The following ITPRID1 variants were observed in gnomAD, a reference collection of about 807,000 sequenced individuals.
ITPRID1 encodes the protein ITPR interacting domain containing 1.
ITPRID1 carries 96 observed loss-of-function variants against 95.4 expected under a neutral mutation model. The observed-to-expected ratio is 1.01, with a 90% CI of 0.85 to 1.19. The LOEUF (loss-of-function observed/expected upper bound fraction) is 1.19. Ranked by LOEUF, ITPRID1 falls within the 50% of genes most tolerant of loss-of-function variation. The pLI is 0.00. For missense variants in ITPRID1, 1,339 were observed against 1,252.9 expected (o/e 1.07, Z -1.04); for synonymous variants, 510 against 453.6 (o/e 1.12, Z -1.58).
chr7:31,564,270 C>A (rs1165616594), intron 5 of ITPRID1, among the ~76,000 whole-genome samples: 1 of 152,028 alleles, frequency 6.6e-6, no homozygotes, highest in Non-Finnish European at 1.5e-5. Flanking sequence ...GCTGGAGACT[C>A]AAGTATCTAA....
downstream of ITPRID1, among the ~76,000 whole-genome samples, chr7:31,657,959 C>A (rs375718761): frequency 6.6e-6 from 1 of 152,280 alleles, no homozygotes; most frequent in East Asian, 1.9e-4. Flanking sequence ...CAGGATCCTA[C>A]CCTGTATTAA....
chr7:31,558,178 C>G (rs1321600977), intron 5 of ITPRID1, among the ~76,000 whole-genome samples: 1 of 152,182 alleles, frequency 6.6e-6, no homozygotes, highest in African/African-American at 2.4e-5. Flanking sequence ...TGGAATGACA[C>G]AGCAAGAAGG....
intron 5 of ITPRID1, among the ~76,000 whole-genome samples, chr7:31,566,111 G>A (rs887322417): frequency 6.6e-6 from 1 of 152,186 alleles, no homozygotes; most frequent in Non-Finnish European, 1.5e-5. Flanking sequence ...GTATCCTCTA[G>A]ATCTGGTGGG....
chr7:31,527,860 T>C (rs2128129142), intron 1 of ITPRID1, among the ~76,000 whole-genome samples: 1 of 152,314 alleles, frequency 6.6e-6, no homozygotes, highest in South Asian at 2.1e-4. Flanking sequence ...TATCTCTTTA[T>C]CACTAAGGAT....
chr7:31,627,839 A>C (rs1788615245), intron 10 of ITPRID1, among the ~76,000 whole-genome samples: 1 of 152,162 alleles, frequency 6.6e-6, no homozygotes, highest in Middle Eastern at 3.2e-3. Flanking sequence ...TGGAATTAAA[A>C]TGAAAAGATA....
At chr7:31,525,301 AG>A (rs1310978321) in intron 1 of ITPRID1, among the ~76,000 whole-genome samples, 4 of 152,200 alleles carry the variant, frequency 2.6e-5, no homozygotes, top group African/African-American at 4.8e-5. Flanking sequence ...TGTCAAATAC[AG>A]GGTGTCTCAA....
intron 10 of ITPRID1, among the ~76,000 whole-genome samples, chr7:31,625,771 TTA>T (rs1491376548): frequency 6.6e-6 from 1 of 151,544 alleles, no homozygotes; most frequent in Non-Finnish European, 1.5e-5. Context: ...TAAAGTATAA[TTA>T]AAAAAAAAAC....
At chr7:31,585,729 A>G (rs1785568373) in intron 10 of ITPRID1, among the ~76,000 whole-genome samples, 1 of 152,228 alleles carries the variant, frequency 6.6e-6, no homozygotes, top group Non-Finnish European at 1.5e-5. Context: ...ACCTTATAAA[A>G]TCATCAAACC....
At position 31,652,844 on chromosome 7, in the gene ITPRID1, G is replaced by A. The variant is rs755749350; in HGVS notation, c.*15G>A. On this transcript the variant is annotated 3_prime_UTR_variant, in exon 15 of 15. Coordinates refer to ENST00000615280, the MANE Select transcript of ITPRID1 (RefSeq NM_001257967.3). ...TCTTCCTCTAGATCAGAGCAGGTTT[G>A]TTAACCTTCATACAAAATATAAAGG... 7 of 1,602,626 alleles carry A rather than the reference G, an allele frequency of 4.4e-6. No individual in the cohort carries two copies. The highest frequency in any genetic ancestry group is 6.0e-6 in the Non-Finnish European group (7 of 1,170,880).
intron 5 of ITPRID1, among the ~76,000 whole-genome samples, chr7:31,568,310 C>T (rs994685277): frequency 2.0e-5 from 3 of 152,106 alleles, no homozygotes; most frequent in Non-Finnish European, 2.9e-5. Context: ...AGGTACCTGT[C>T]GTCTATTCAT....
Position 31,530,226 on chromosome 7 carries a change from T to C in ITPRID1, c.-98+16106T>C, listed in dbSNP as rs183225187. Among the ~76,000 whole-genome samples, 93 of 152,340 alleles carry C rather than the reference T, an allele frequency of 6.1e-4. 1 individual carries two copies. Among genetic ancestry groups the C allele is most frequent in the African/African-American group, 1.8e-3 (76 of 41,582 alleles). On this transcript the variant is annotated intron_variant, in intron 1 of 14. Coordinates refer to ENST00000615280, the MANE Select transcript of ITPRID1 (RefSeq NM_001257967.3). ...AAATTATATTTTCCCTTCTTTTTAT[T>C]GCTATTCTTTGTACTTAGGACTTTT... is the stretch of plus-strand genomic sequence containing the variant.
intron 10 of ITPRID1, among the ~76,000 whole-genome samples, chr7:31,617,202 T>G (rs1168347759): frequency 6.6e-6 from 1 of 152,176 alleles, no homozygotes; most frequent in Admixed American, 6.5e-5. Context: ...ATCCTATTAT[T>G]TCTTCTATAA....
chr7:31,579,073 C>T (rs1408969909), intron 9 of ITPRID1, among the ~76,000 whole-genome samples: 1 of 152,174 alleles, frequency 6.6e-6, no homozygotes, highest in Non-Finnish European at 1.5e-5. Flanking sequence ...CATAGCTTGA[C>T]CTTCATTTCA....
In ITPRID1 at chr7:31,642,748, C is replaced by T; in HGVS notation, c.1378C>T (p.His460Tyr). Residue 460 changes from histidine (H) to tyrosine (Y), a missense_variant, in exon 12 of 15, where the codon CAC (histidine) becomes TAC (tyrosine). Transcript: ENST00000615280. ...NGGRKPRDQS[H>Y]SLVSSQDCQL... Reference sequence around the variant, plus strand: ...AGGTAGAAAGCCAAGAGATCAGAGCCACAGCTTAGTATCATCCCAGGACTG... The same window carrying T: ...AGGTAGAAAGCCAAGAGATCAGAGCTACAGCTTAGTATCATCCCAGGACTG... The T allele has an allele frequency of 1.2e-6, 2 of 1,613,990 alleles. No homozygotes were observed. Among genetic ancestry groups the T allele is most frequent in the African/African-American group, 1.3e-5 (1 of 75,046 alleles).
chr7:31,574,497 G>A, intron 7 of ITPRID1, 43 bp from the exon 8 acceptor site: 1 of 1,575,436 alleles, frequency 6.3e-7, no homozygotes, highest in Non-Finnish European at 8.7e-7. Flanking sequence ...ATGGTGTTGG[G>A]TTAACTGTTT....
At chr7:31,617,899 G>T (rs968654764) in intron 10 of ITPRID1, among the ~76,000 whole-genome samples, 1 of 152,176 alleles carries the variant, frequency 6.6e-6, no homozygotes, top group Admixed American at 6.5e-5. Flanking sequence ...ACAAATCACT[G>T]CAGGAAAAGA....
intron 10 of ITPRID1, among the ~76,000 whole-genome samples, chr7:31,584,047 A>G (rs1785499998): frequency 6.6e-6 from 1 of 152,172 alleles, no homozygotes; most frequent in South Asian, 2.1e-4. Flanking sequence ...ATCATCCTAA[A>G]TAACAGAGAA....
At position 31,583,143 on chromosome 7, in the gene ITPRID1, T is replaced by G. The variant is rs1320349465; in HGVS notation, c.1180T>G (p.Phe394Val). 6.8e-6 allele frequency: 11 copies of G among 1,610,952 alleles called. No individual in the cohort carries two copies. The highest frequency in any genetic ancestry group is 8.5e-6 in the Non-Finnish European group (10 of 1,177,676). ...CATTTTGATATCTTAGGTCCAAAGC[T>G]TTGAAGAAGAGACTGGTAATCCTCT... ...DSFEMEEVQS[F>V]EEETGNPLDM... Residue 394 changes from phenylalanine to valine, a missense_variant, in exon 10 of 15, where the codon TTT becomes GTT. Physicochemically the swap from Phe to Val is conservative, Grantham distance 50. Coordinates refer to ENST00000615280, the MANE Select transcript of ITPRID1 (RefSeq NM_001257967.3).
At position 31,550,851 on chromosome 7, in the gene ITPRID1, C is replaced by T. The variant is rs778351571; in HGVS notation, c.-24+1352C>T. Among the ~76,000 whole-genome samples, 54 of 142,836 alleles carry T rather than the reference C, an allele frequency of 3.8e-4. 11 individuals are homozygous for T. Among genetic ancestry groups the T allele is most frequent in the Middle Eastern group, 7.4e-3 (2 of 272 alleles). The allele number at this position is 142,836 out of a possible 152,430, so 93.7% of individuals were successfully genotyped here. On this transcript the variant is annotated intron_variant, in intron 2 of 14. Transcript: ENST00000615280. ...TCATTATAAGATGGAAGTTTGGGGA[C>T]GTACAAATAAAGCAGCACTTTTACC...
Sources: gnomAD v4.1 joint callset for allele counts (sites outside exome capture counted in the v4.1 genomes callset) on GRCh38, gnomAD v4.1.1 for gene constraint, MANE v1.5 for transcripts, NCBI Gene and HGNC (gene_info 2026-07-23, HGNC 2026-07-21) for gene names.